The following ZNF589 variants were observed in gnomAD, a reference collection of about 807,000 sequenced individuals.
The protein encoded by ZNF589 is zinc finger protein 589, also known as KRAB-zinc finger protein SZF1-1.
A neutral mutation model predicts 13.6 loss-of-function variants in ZNF589; 17 were observed. The ratio of observed to expected loss-of-function variants is 1.25; its 90% CI spans 0.86 to 1.88. The LOEUF is 1.88. ZNF589 is among the 40% of genes most tolerant of loss of function. ZNF589 has a pLI of 0.00. For missense variants in ZNF589, 407 were observed against 434.0 expected (o/e 0.94, Z 0.55); for synonymous variants, 148 against 161.6 (o/e 0.92, Z 0.64).
intron 2 of ZNF589, chr3:48,257,985 G>C (rs772816387): frequency 4.5e-6 from 2 of 443,356 alleles, no homozygotes; most frequent in South Asian, 3.3e-5. Context: ...CAGGTAGCGT[G>C]ATCTCTCTTA....
At chr3:48,250,504 C>T (rs1002942729) in intron 2 of ZNF589, among the ~76,000 whole-genome samples, 2 of 151,666 alleles carry the variant, frequency 1.3e-5, no homozygotes, top group Admixed American at 6.6e-5. Flanking sequence ...CAGAATCTCC[C>T]TCTGTTGCCC....
Position 48,268,618 on chromosome 3 carries a change from T to C in ZNF589, c.927T>C (p.Cys309=). 6.2e-7 allele frequency: 1 copy of C among 1,613,904 alleles called. No individual in the cohort carries two copies. The highest frequency in any genetic ancestry group is 8.5e-7 in the Non-Finnish European group (1 of 1,179,980). Residue 309 remains cysteine, a synonymous_variant, in exon 4 of 4, where the codon TGT becomes TGC. Transcript: ENST00000354698. ...SGEKPYVCSH[C]GRGFSCKPYL... Reference sequence around the variant, plus strand: ...AGAAACCTTATGTGTGCAGCCATTGTGGGCGAGGCTTTAGCTGCAAGCCAT... The same window carrying C: ...AGAAACCTTATGTGTGCAGCCATTGCGGGCGAGGCTTTAGCTGCAAGCCAT...
At chr3:48,242,625 G>T (rs1300041135) in intron 1 of ZNF589, among the ~76,000 whole-genome samples, 1 of 152,122 alleles carries the variant, frequency 6.6e-6, no homozygotes, top group Middle Eastern at 3.2e-3. Flanking sequence ...TTCTTTTAAG[G>T]GCCAGGTGGT....
chr3:48,258,732 T>A (rs1274149535), intron 2 of ZNF589, among the ~76,000 whole-genome samples: 2 of 152,334 alleles, frequency 1.3e-5, no homozygotes, highest in Middle Eastern at 6.8e-3. Context: ...ATTTTATAGA[T>A]GTGGAAACTA....
intron 2 of ZNF589, among the ~76,000 whole-genome samples, chr3:48,250,914 G>A (rs541007526): frequency 9.9e-5 from 15 of 151,174 alleles, no homozygotes; most frequent in Non-Finnish European, 2.2e-4. Flanking sequence ...TTTTAAATAT[G>A]AAATTTTTGT....
chr3:48,258,278 G>A (rs575223014), intron 2 of ZNF589, among the ~76,000 whole-genome samples: 3 of 152,044 alleles, frequency 2.0e-5, no homozygotes, highest in South Asian at 2.1e-4. Flanking sequence ...TCTTTTTTGC[G>A]GGAGTGATTG....
chr3:48,249,110 T>TC (rs542287488), intron 2 of ZNF589, among the ~76,000 whole-genome samples: 58 of 151,782 alleles, frequency 3.8e-4, no homozygotes, highest in African/African-American at 1.4e-3. Flanking sequence ...TTTTTTTCTT[T>TC]TTTTTTTTTG....
At position 48,241,143 on chromosome 3, in the gene ZNF589, G is replaced by C. The variant is rs776154081; in HGVS notation, c.-29G>C. The C allele has an allele frequency of 6.2e-7, 1 of 1,603,150 alleles. No individual in the cohort carries two copies. The highest frequency in any genetic ancestry group is 2.2e-5 in the East Asian group (1 of 44,786). On this transcript the variant is annotated 5_prime_UTR_variant, in exon 1 of 4. Transcript: ENST00000354698. ...GTTTCACACACGGTGCTGCTACCTC[G>C]TTTGCTTCGTGCGTGCGTGCGCGCG...
Position 48,268,441 on chromosome 3 carries a change from C to G in ZNF589, c.750C>G (p.Cys250Trp). Residue 250 changes from cysteine to tryptophan, a missense_variant, in exon 4 of 4, where the codon TGC becomes TGG. Cys to Trp is a radical substitution (Grantham distance 215). Transcript: ENST00000354698. ...KSSDKRQSQV[C>W]RECGRGFSRK... ...CAGACAAAAGGCAGTCACAGGTGTG[C>G]AGGGAGTGTGGGCGAGGCTTTAGCA... is the stretch of plus-strand genomic sequence containing the variant. 6.2e-7 allele frequency: 1 copy of G among 1,614,216 alleles called. No individual in the cohort carries two copies. The highest frequency in any genetic ancestry group is 8.5e-7 in the Non-Finnish European group (1 of 1,180,040).
chr3:48,249,197 G>A (rs1489968628), intron 2 of ZNF589, among the ~76,000 whole-genome samples: 4 of 151,820 alleles, frequency 2.6e-5, no homozygotes, highest in African/African-American at 4.8e-5. Context: ...CCGCCTCCTG[G>A]ATTCAAGCGA....
intron 1 of ZNF589, among the ~76,000 whole-genome samples, chr3:48,242,714 A>T (rs1048842250): frequency 3.3e-5 from 5 of 152,346 alleles, no homozygotes; most frequent in Admixed American, 6.5e-5. Flanking sequence ...GCCAAAGACC[A>T]TAGGTAAACG....
In ZNF589 at chr3:48,268,875, G is replaced by A. The variant is rs1046488967; in HGVS notation, c.*89G>A. The A allele has an allele frequency of 1.6e-5, 25 of 1,517,948 alleles. No homozygotes were observed. The highest frequency in any genetic ancestry group is 2.1e-5 in the Non-Finnish European group (24 of 1,126,836). 94.0% of individuals were successfully genotyped at this position (1,517,948 alleles called of 1,614,324 possible). On this transcript the variant is annotated 3_prime_UTR_variant, in exon 4 of 4. Coordinates refer to ENST00000354698, the MANE Select transcript of ZNF589 (RefSeq NM_016089.3). ...CCTTTTGTTTGCAGAGAGTGTGGGC[G>A]AGGCTTTCGTGCTAAATCAACTCTC...
At chr3:48,243,148 A>T (rs2033716594) in intron 1 of ZNF589, among the ~76,000 whole-genome samples, 2 of 151,338 alleles carry the variant, frequency 1.3e-5, no homozygotes, top group African/African-American at 2.4e-5. Context: ...TTTTTCAGCC[A>T]ATTAAAAATG....
rs1408013255 is a variant in ZNF589 at position 48,270,088 on chromosome 3, C to T, written c.*1302C>T. On this transcript the variant is annotated 3_prime_UTR_variant, in exon 4 of 4. Coordinates refer to ENST00000354698, the MANE Select transcript of ZNF589 (RefSeq NM_016089.3). ...CTTTGCATCTGACTACTTCCTTCTGCAACTGTGTTCTTCCATTAGCTTCCA... is the reference window on the plus strand; with the variant it reads ...CTTTGCATCTGACTACTTCCTTCTGTAACTGTGTTCTTCCATTAGCTTCCA... 4.4e-6 allele frequency: 2 copies of T among 457,070 alleles called. No homozygotes were observed. The allele number at this position is 457,070 out of a possible 1,614,324, so 28.3% of individuals were successfully genotyped here.
intron 2 of ZNF589, chr3:48,256,746 T>A: frequency 6.2e-7 from 1 of 1,603,808 alleles, no homozygotes; most frequent in Non-Finnish European, 8.5e-7. Flanking sequence ...CCAGAGGGGT[T>A]AGGAGGATTT....
At chr3:48,242,011 C>A (rs2106827863) in intron 1 of ZNF589, among the ~76,000 whole-genome samples, 1 of 152,168 alleles carries the variant, frequency 6.6e-6, no homozygotes, top group South Asian at 2.1e-4. Flanking sequence ...GGGATTTCGC[C>A]ATATTTGCCA....
At chr3:48,253,038 A>T (rs1023563464) in intron 2 of ZNF589, among the ~76,000 whole-genome samples, 9 of 148,192 alleles carry the variant, frequency 6.1e-5, no homozygotes, top group Admixed American at 6.7e-5. Context: ...GGCGTTTTTT[A>T]TTTTTATTTT....
rs756192788 is a variant in ZNF589 at position 48,268,570 on chromosome 3, C to T, written c.879C>T (p.Asn293=). ...RGFIVESVLR[N]HLSTHSGEKP... Reference sequence around the variant, plus strand: ...TTATAGTTGAGTCAGTCCTCCGCAACCACCTGAGTACACACTCCGGGGAGA... The same window carrying T: ...TTATAGTTGAGTCAGTCCTCCGCAATCACCTGAGTACACACTCCGGGGAGA... The change falls in exon 4 of 4, where the codon AAC becomes AAT. Residue 293 remains asparagine, a synonymous_variant. Transcript: ENST00000354698. 4 of 1,610,804 alleles carry T rather than the reference C, an allele frequency of 2.5e-6. No individual in the cohort carries two copies. The highest frequency in any genetic ancestry group is 1.7e-4 in the Middle Eastern group (1 of 6,052).
intron 3 of ZNF589, among the ~76,000 whole-genome samples, chr3:48,265,487 A>G (rs1369476024): frequency 6.6e-6 from 1 of 150,988 alleles, no homozygotes; most frequent in South Asian, 2.1e-4. Context: ...GGGTTTCACT[A>G]TGTTGGCCAG....
Sources: gnomAD v4.1 joint callset for allele counts (sites outside exome capture counted in the v4.1 genomes callset) on GRCh38, gnomAD v4.1.1 for gene constraint, MANE v1.5 for transcripts, NCBI Gene and HGNC (gene_info 2026-07-23, HGNC 2026-07-21) for gene names.